The following WDFY4 variants were observed in gnomAD, a reference collection of about 807,000 sequenced individuals.
WDFY4 encodes WDFY family member 4.
Under a neutral mutation model 351.9 loss-of-function variants are expected in WDFY4, and 169 were observed. The observed-to-expected ratio is 0.48, with a 90% CI of 0.42 to 0.55. The LOEUF is 0.55. Ranked by LOEUF, WDFY4 falls within the 20% of genes least tolerant of loss-of-function variation. The pLI, the probability that WDFY4 is intolerant of heterozygous loss-of-function variation, is 0.00. For synonymous variants in WDFY4, 1,622 were observed against 1,574.6 expected (o/e 1.03, Z -0.71); for missense variants, 3,803 against 3,935.6 (o/e 0.97, Z 0.90).
chr10:48,719,954 G>T, intron 2 of WDFY4, 57 bp from the exon 3 acceptor site: 1 of 1,472,070 alleles, frequency 6.8e-7, no homozygotes, highest in Non-Finnish European at 9.3e-7. Flanking sequence ...GGCAGGCAGT[G>T]CTCATGCCCT....
intron 51 of WDFY4, among the ~76,000 whole-genome samples, chr10:48,953,267 CTCTT>C (rs1453466155): frequency 6.6e-6 from 1 of 151,894 alleles, no homozygotes; most frequent in Non-Finnish European, 1.5e-5. Context: ...CATTTGGCAC[CTCTT>C]TCTATGTGCC....
At chr10:48,792,096 C>A (rs773573567) in intron 23 of WDFY4, among the ~76,000 whole-genome samples, 4 of 152,218 alleles carry the variant, frequency 2.6e-5, no homozygotes, top group Non-Finnish European at 5.9e-5. Context: ...TCCAACCCAG[C>A]CAACATTTCA....
Position 48,790,789 on chromosome 10 carries a change from A to G in WDFY4, c.4129A>G (p.Ile1377Val). The change falls in exon 23 of 62, where the codon ATC (isoleucine) becomes GTC (valine). Residue 1377 changes from isoleucine to valine, a missense_variant. Coordinates refer to ENST00000325239, the MANE Select transcript of WDFY4 (RefSeq NM_001394531.1). ...CCTGGACTTCATTGGCGGGCCTGCC[A>G]TCCTCCTGGGCCTCATCTCCTTAGC... is the stretch of plus-strand genomic sequence containing the variant. ...SSLDFIGGPA[I>V]LLGLISLATD... 1.3e-6 allele frequency: 2 copies of G among 1,551,740 alleles called. No homozygotes were observed. The highest frequency in any genetic ancestry group is 1.7e-6 in the Non-Finnish European group (2 of 1,146,974).
intron 51 of WDFY4, among the ~76,000 whole-genome samples, chr10:48,952,952 C>T (rs900661824): frequency 2.6e-5 from 4 of 152,162 alleles, no homozygotes; most frequent in African/African-American, 9.7e-5. Flanking sequence ...CACACATTTG[C>T]CCCGTTACTT....
intron 11 of WDFY4, 100 bp from the exon 12 acceptor site, chr10:48,742,868 T>C (rs1774082261): frequency 5.3e-6 from 6 of 1,128,740 alleles, no homozygotes; most frequent in Non-Finnish European, 7.4e-6. Flanking sequence ...CTGAAGTCGT[T>C]GAGGGAAGAG....
rs543939575 is a variant in WDFY4, at chr10:48,976,011, C to G, written c.9109-786C>G. ...CCTAGACCCCAGAGAAGCCTGGCAC[C>G]AGGACAAGTTGTCCTGCAGCCAACT... On this transcript the variant is annotated intron_variant, in intron 58 of 61. Transcript: ENST00000325239. Among the ~76,000 whole-genome samples the G allele has an allele frequency of 2.0e-5, 3 of 152,298 alleles. No homozygotes were observed. In the South Asian group the frequency reaches 6.2e-4, roughly 32 times the overall value.
chr10:48,775,775 T>TCA lies in WDFY4; in HGVS notation c.2841_2842dup (p.Arg948ThrfsTer54). On this transcript the variant is annotated frameshift_variant, in exon 15 of 62. Transcript: ENST00000325239. LOFTEE classifies it high-confidence loss of function. ...CCACAACAAAAATCCTTGATTCATC[T>TCA]CACACACACAGAGGCAACCCTGGGT... is the stretch of plus-strand genomic sequence containing the variant. 6.4e-7 allele frequency: 1 copy of TCA among 1,551,748 alleles called. No homozygotes were observed. The highest frequency in any genetic ancestry group is 8.7e-7 in the Non-Finnish European group (1 of 1,147,002).
intron 12 of WDFY4, among the ~76,000 whole-genome samples, chr10:48,744,751 G>T (rs2064959213): frequency 6.6e-6 from 1 of 152,200 alleles, no homozygotes; most frequent in Non-Finnish European, 1.5e-5. Context: ...TCATGAGAAT[G>T]CACTTCTGTT....
chr10:48,808,514 C>T (rs1205508525), intron 28 of WDFY4, among the ~76,000 whole-genome samples: 1 of 152,146 alleles, frequency 6.6e-6, no homozygotes, highest in Non-Finnish European at 1.5e-5. Context: ...GTTCATTTGA[C>T]ACCTAATTTG....
chr10:48,760,429 G>T lies in WDFY4; in HGVS notation c.2542G>T (p.Asp848Tyr). The T allele has an allele frequency of 1.3e-6, 2 of 1,551,676 alleles. No homozygotes were observed. The highest frequency in any genetic ancestry group is 1.2e-5 in the South Asian group (1 of 84,050). ...GCTGCTGCCTCGGTTGTACCATGAA[G>T]ATCACCCACAGGTACCTGGTGTTGA... is the stretch of plus-strand genomic sequence containing the variant. ...VRLLPRLYHE[D>Y]HPQLSEEIQC... The change falls in exon 13 of 62, where the codon GAT (aspartate) becomes TAT (tyrosine). Residue 848 changes from aspartate (D) to tyrosine (Y), a missense_variant. Physicochemically the swap from Asp to Tyr is radical, Grantham distance 160. Coordinates refer to ENST00000325239, the MANE Select transcript of WDFY4 (RefSeq NM_001394531.1).
chr10:48,760,383 G>A lies in WDFY4; in HGVS notation c.2496G>A (p.Gly832=). ...DEGDAAIMHP[G]VVCIMVRLLP... ...GAGATGCTGCAATCATGCATCCCGG[G>A]GTCGTGTGCATCATGGTGAGGCTGC... The change falls in exon 13 of 62, where the codon GGG becomes GGA. Residue 832 remains glycine (G), a synonymous_variant. Coordinates refer to ENST00000325239, the MANE Select transcript of WDFY4 (RefSeq NM_001394531.1). 2 of 1,551,596 alleles carry A rather than the reference G, an allele frequency of 1.3e-6. No individual in the cohort carries two copies. The highest frequency in any genetic ancestry group is 2.4e-5 in the South Asian group (2 of 84,048).
chr10:48,701,801 C>T (rs758894370), intron 1 of WDFY4, among the ~76,000 whole-genome samples: 1 of 152,240 alleles, frequency 6.6e-6, no homozygotes, highest in East Asian at 1.9e-4. Context: ...TTTACCACCT[C>T]GTGGGGTGTT....
rs1842491857 is a variant in WDFY4 at position 48,974,723 on chromosome 10, A to G, written c.8929-139A>G. 4.9e-5 allele frequency: 43 copies of G among 878,436 alleles called. 1 individual carries two copies. In the South Asian group the frequency reaches 7.5e-4, roughly 15 times the overall value. The allele number at this position is 878,436 out of a possible 1,614,324, so 54.4% of individuals were successfully genotyped here. A position where few individuals can be genotyped will look rare whatever the true frequency, so the allele number is the denominator to read the frequency against. ...CATGCACACACCCCCAGCTGCACAG[A>G]CAACAGACTTGGGAATCACTGACTC... On this transcript the variant is annotated intron_variant, in intron 57 of 61. Transcript: ENST00000325239.
At chr10:48,774,969 C>A (rs1337205966) in intron 14 of WDFY4, among the ~76,000 whole-genome samples, 2 of 143,356 alleles carry the variant, frequency 1.4e-5, no homozygotes, top group African/African-American at 5.0e-5. Flanking sequence ...GAGGAGGGAA[C>A]TGGGCCTGGA....
intron 5 of WDFY4, 139 bp downstream of exon 5, chr10:48,723,706 C>CCCCCT: frequency 8.2e-7 from 1 of 1,213,900 alleles, no homozygotes; most frequent in Non-Finnish European, 1.1e-6. Flanking sequence ...GGTCTAACCT[C>CCCCCT]CCCCTCCCCT....
intron 39 of WDFY4, among the ~76,000 whole-genome samples, chr10:48,833,480 T>C (rs916721054): frequency 6.6e-6 from 1 of 152,138 alleles, no homozygotes; most frequent in Non-Finnish European, 1.5e-5. Flanking sequence ...CATTACCTTT[T>C]ATGACCTAGC....
intron 5 of WDFY4, among the ~76,000 whole-genome samples, chr10:48,723,877 C>T (rs996983445): frequency 6.6e-6 from 1 of 152,096 alleles, no homozygotes; most frequent in African/African-American, 2.4e-5. Context: ...TGGGTCCATA[C>T]AAACTGAGGC....
chr10:48,933,165 ATTC>A (rs2133697964), intron 47 of WDFY4, among the ~76,000 whole-genome samples: 1 of 152,288 alleles, frequency 6.6e-6, no homozygotes, highest in Admixed American at 6.5e-5. Context: ...CAGATGGAAC[ATTC>A]TTCTAGATTG....
chr10:48,916,430 T>C (rs1171736956), intron 47 of WDFY4, among the ~76,000 whole-genome samples: 2 of 152,194 alleles, frequency 1.3e-5, no homozygotes, highest in Non-Finnish European at 2.9e-5. Flanking sequence ...GGCCACCCTG[T>C]ATCCCTGGAG....
Sources: gnomAD v4.1 joint callset for allele counts (sites outside exome capture counted in the v4.1 genomes callset) on GRCh38, gnomAD v4.1.1 for gene constraint, MANE v1.5 for transcripts, NCBI Gene and HGNC (gene_info 2026-07-23, HGNC 2026-07-21) for gene names.